Variants in SNAPC4 observed in about 807,000 individuals in gnomAD.
SNAPC4 encodes the protein snRNA-activating protein complex subunit 4.
In SNAPC4, 127 loss-of-function variants were observed where a neutral mutation model predicts 151.3. The observed-to-expected ratio is 0.84, with a 90% CI of 0.73 to 0.97. The LOEUF (loss-of-function observed/expected upper bound fraction) is 0.97. Ranked by LOEUF, SNAPC4 falls within the 50% of genes least tolerant of loss-of-function variation. The probability of loss-of-function intolerance (pLI) is 0.00; values close to 1 mark genes in which losing one functional copy is unlikely to be tolerated. For synonymous variants in SNAPC4, 1,002 were observed against 824.4 expected, an observed-to-expected ratio of 1.22 and a Z score of -3.69; for missense variants, 2,186 against 1,935.0, an observed-to-expected ratio of 1.13 and a Z score of -2.43.
intron 18 of SNAPC4, 62 bp from the exon 19 acceptor site, chr9:136,381,454 T>C: frequency 7.0e-7 from 1 of 1,435,076 alleles, no homozygotes; most frequent in South Asian, 1.1e-5. Flanking sequence ...GGGGGATGGG[T>C]GGAAAGCAGC....
intron 9 of SNAPC4, 110 bp from the exon 10 acceptor site, chr9:136,392,216 CA>C (rs1409732786): frequency 3.0e-6 from 4 of 1,336,078 alleles, no homozygotes; most frequent in Non-Finnish European, 4.2e-6. Context: ...TCCACGGCTG[CA>C]AGTAAGCGCA....
intron 23 of SNAPC4, 145 bp downstream of exon 23, chr9:136,376,204 C>A: frequency 1.1e-6 from 1 of 893,140 alleles, no homozygotes; most frequent in Non-Finnish European, 1.7e-6. Context: ...CCCTGGAGGG[C>A]CTCCATGACC....
chr9:136,388,512 T>C lies in SNAPC4; in HGVS notation c.1055A>G (p.Glu352Gly). 1.2e-6 allele frequency: 2 copies of C among 1,613,782 alleles called. No homozygotes were observed. The highest frequency in any genetic ancestry group is 1.7e-6 in the Non-Finnish European group (2 of 1,179,902). Residue 352 changes from glutamate to glycine, a missense_variant, in exon 11 of 24, where the codon GAG becomes GGG. Transcript: ENST00000684778. ...KALKRKEWTE[E>G]EDRMLTQLVQ... The stretch of plus-strand genomic sequence containing the variant: ...CAGCTGCGTGAGCATGCGGTCCTCC[T>C]CCTCTGTCCACTCCTTGCGTTTCAG...
In SNAPC4 at chr9:136,378,914, C is replaced by T. The variant is rs1178364484; in HGVS notation, c.2913G>A (p.Glu971=). The T allele has an allele frequency of 1.2e-6, 2 of 1,611,064 alleles. No individual in the cohort carries two copies. The highest frequency in any genetic ancestry group is 2.7e-5 in the African/African-American group (2 of 75,056). The change falls in exon 22 of 24, where the codon GAG becomes GAA. Residue 971 remains glutamate (E), a synonymous_variant. Transcript: ENST00000684778. ...AKPGTSGSWQ[E]AGTSAKDKRL... ...TCTTGTCCTTGGCTGAAGTCCCAGC[C>T]TCCTGCCAGGAGCCAGAAGTGCCAG... is the stretch of plus-strand genomic sequence containing the variant.
chr9:136,386,434 A>ATTTTTT (rs1022722686), intron 13 of SNAPC4, among the ~76,000 whole-genome samples: 2 of 128,916 alleles, frequency 1.6e-5, no homozygotes, highest in Non-Finnish European at 3.3e-5. Flanking sequence ...TCTACACTTC[A>ATTTTTT]TTTTTTTTTT....
rs1244465599 is a variant in SNAPC4 at position 136,385,859 on chromosome 9, CTTT to C, written c.1326-1048_1326-1046del. Among the ~76,000 whole-genome samples the C allele has an allele frequency of 2.0e-5, 3 of 152,246 alleles. No individual in the cohort carries two copies. In the East Asian group the frequency reaches 5.8e-4, roughly 29 times the overall value. On this transcript the variant is annotated intron_variant, in intron 13 of 23. Coordinates refer to ENST00000684778, the MANE Select transcript of SNAPC4 (RefSeq NM_003086.4). ...GTGAGCCACCGAGCCCTGCCAACCC[CTTT>C]TTAAGGCCGAATAATATTCCCTTGT... is the stretch of plus-strand genomic sequence containing the variant.
intron 11 of SNAPC4, among the ~76,000 whole-genome samples, 177 bp downstream of exon 11, chr9:136,388,267 C>CAAAA (rs35543525): frequency 9.2e-6 from 1 of 108,874 alleles, no homozygotes; most frequent in Admixed American, 9.1e-5. Context: ...AACTCCATCT[C>CAAAA]AAAAAAAAAA....
intron 10 of SNAPC4, among the ~76,000 whole-genome samples, chr9:136,390,972 C>T (rs1588759998): frequency 6.6e-6 from 1 of 152,016 alleles, no homozygotes; most frequent in African/African-American, 2.4e-5. Context: ...GTAGCTGGGA[C>T]TACAGATGCC....
Position 136,390,554 on chromosome 9 carries a change from GAAAAAAAA to G in SNAPC4, c.975+1380_975+1387del, listed in dbSNP as rs58732608. 3.7e-4 allele frequency among the ~76,000 whole-genome samples: 18 copies of G among 48,816 alleles called. No homozygotes were observed. In the South Asian group the frequency reaches 0.021, roughly 58 times the overall value. The allele number at this position is 48,816 out of a possible 152,430, so 32.0% of individuals were successfully genotyped here. On this transcript the variant is annotated intron_variant, in intron 10 of 23. Transcript: ENST00000684778. ...TGGGCGACAGAGTGAGACTCTGTTT[GAAAAAAAA>G]AAAAAAAAAAAAAAAAGGAAAGAAA...
At chr9:136,387,349 T>C (rs1833923350) in intron 13 of SNAPC4, 136 bp downstream of exon 13, 5 of 722,758 alleles carry the variant, frequency 6.9e-6, no homozygotes, top group Non-Finnish European at 1.2e-5. Flanking sequence ...AGAGTGCACC[T>C]GGTCAGCGAC....
intron 10 of SNAPC4, among the ~76,000 whole-genome samples, chr9:136,389,779 C>T (rs1343698934): frequency 6.6e-6 from 1 of 152,112 alleles, no homozygotes; most frequent in Non-Finnish European, 1.5e-5. Flanking sequence ...GAGCTGGGCC[C>T]TGCTCGGGTA....
rs1833939775 is a variant in SNAPC4 at position 136,387,786 on chromosome 9, CCA to C, written c.1184_1185del (p.Leu395Ter). 1 of 1,613,156 alleles carries C rather than the reference CCA, an allele frequency of 6.2e-7. No homozygotes were observed. The highest frequency in any genetic ancestry group is 8.5e-7 in the Non-Finnish European group (1 of 1,179,322). On this transcript the variant is annotated frameshift_variant, in exon 12 of 24. Transcript: ENST00000684778. LOFTEE classifies it high-confidence loss of function. ...CAGTAACCCTTCTTCAGACCAGGAT[CCA>C]AGCTCTTGGTCCATCGGTAGATCAG... ...MQLIYRWTKS[L>X]DPGLKKGYWA...
intron 17 of SNAPC4, 83 bp from the exon 18 acceptor site, chr9:136,382,156 C>A: frequency 6.3e-7 from 1 of 1,575,126 alleles, no homozygotes; most frequent in Non-Finnish European, 8.6e-7. Flanking sequence ...GTGCTGCCCT[C>A]CACCCCCATC....
intron 6 of SNAPC4, 126 bp downstream of exon 6, chr9:136,394,674 G>C (rs1199476002): frequency 2.4e-6 from 2 of 822,830 alleles, no homozygotes; most frequent in Middle Eastern, 2.8e-4. Context: ...CAGTGGTCAA[G>C]GCCTGAAGGA....
Position 136,379,231 on chromosome 9 carries a change from G to A in SNAPC4, c.2596C>T (p.Leu866=). The change falls in exon 22 of 24, where the codon CTG becomes TTG. Residue 866 remains leucine, a synonymous_variant. Transcript: ENST00000684778. ...GTGCGCTCCACCCGGCTGGACGCCA[G>A]TCTTCGGCTCCCTTTGTGGCTGGCA... ...KSASHKGSRR[L]ASSRVERTLP... 2 of 1,612,538 alleles carry A rather than the reference G, an allele frequency of 1.2e-6. No individual in the cohort carries two copies. The highest frequency in any genetic ancestry group is 4.5e-5 in the East Asian group (2 of 44,888).
At chr9:136,382,095 TG>T (rs1228518263) in intron 17 of SNAPC4, 22 bp from the exon 18 acceptor site, 2 of 1,565,240 alleles carry the variant, frequency 1.3e-6, no homozygotes, top group African/African-American at 2.7e-5. Context: ...AGGCAGCACC[TG>T]GGGCCCATGG....
At chr9:136,389,798 C>G (rs1219878846) in intron 10 of SNAPC4, among the ~76,000 whole-genome samples, 1 of 152,094 alleles carries the variant, frequency 6.6e-6, no homozygotes, top group African/African-American at 2.4e-5. Flanking sequence ...TAGCTGAGAG[C>G]AGCAGCTCTC....
rs1012333538 is a variant in SNAPC4, at chr9:136,394,286, C to T, written c.595G>A (p.Asp199Asn). ...KALLRKSVVS[D>N]RLQRLLQPKL... is the part of the protein sequence containing the mutation. ...GGCTGAAGCAATCGCTGCAGGCGGT[C>T]ACTCACCACTGACTTTCGGAGCAAG... is the stretch of plus-strand genomic sequence containing the variant. The change falls in exon 7 of 24, where the codon GAC (aspartate) becomes AAC (asparagine). Residue 199 changes from aspartate (D) to asparagine (N), a missense_variant. By Grantham distance (23) the Asp-to-Asn change is conservative. Coordinates refer to ENST00000684778, the MANE Select transcript of SNAPC4 (RefSeq NM_003086.4). 3.1e-6 allele frequency: 5 copies of T among 1,613,844 alleles called. No homozygotes were observed. Among genetic ancestry groups the T allele is most frequent in the African/African-American group, 2.7e-5 (2 of 74,948 alleles).
At position 136,379,141 on chromosome 9, in the gene SNAPC4, G is replaced by A. The variant is rs1167083125; in HGVS notation, c.2686C>T (p.Leu896=). ...PRPKPKTVSE[L]LQEKRLQEAR... is the part of the protein sequence containing the mutation. The stretch of plus-strand genomic sequence containing the variant: ...TCCTGAAGCCGCTTCTCCTGAAGCA[G>A]CTCCGACACAGTCTTGGGCTTGGGC... The change falls in exon 22 of 24, where the codon CTG becomes TTG. Residue 896 remains leucine, a synonymous_variant. Coordinates refer to ENST00000684778, the MANE Select transcript of SNAPC4 (RefSeq NM_003086.4). 1.9e-6 allele frequency: 3 copies of A among 1,576,018 alleles called. No individual in the cohort carries two copies. In the African/African-American group the frequency reaches 4.0e-5, roughly 21 times the overall value.
Sources: allele counts gnomAD v4.1 joint callset (sites outside exome capture counted in the v4.1 genomes callset), GRCh38; gene constraint gnomAD v4.1.1; transcripts MANE v1.5; gene names NCBI Gene and HGNC (gene_info 2026-07-23, HGNC 2026-07-21).